Variants in PHACTR1 observed in about 807,000 individuals in gnomAD.
PHACTR1 encodes the protein phosphatase and actin regulator 1, also known as RPEL repeat containing 1.
A neutral mutation model predicts 69.2 loss-of-function variants in PHACTR1; 16 were observed. That is an observed-to-expected ratio of 0.23 (90% confidence interval 0.16 to 0.35). The LOEUF is 0.35. Ranked by LOEUF, PHACTR1 falls within the 10% of genes least tolerant of loss-of-function variation. The pLI is 1.00. For missense variants in PHACTR1, 510 were observed against 734.7 expected (o/e 0.69, Z 3.54); for synonymous variants, 312 against 284.5 (o/e 1.10, Z -0.97).
intron 4 of PHACTR1, among the ~76,000 whole-genome samples, chr6:12,784,078 G>A (rs1312185503): frequency 1.3e-5 from 2 of 151,078 alleles, no homozygotes; most frequent in Non-Finnish European, 3.0e-5. Flanking sequence ...TATATGCATG[G>A]ACATACACAT....
chr6:12,993,190 A>G (rs1270427303), intron 4 of PHACTR1, among the ~76,000 whole-genome samples: 8 of 152,148 alleles, frequency 5.3e-5, no homozygotes, highest in Non-Finnish European at 4.4e-5. Flanking sequence ...TTTTTACTAA[A>G]AGGAAACCTT....
chr6:13,019,069 TATA>T (rs1420282682), intron 4 of PHACTR1, among the ~76,000 whole-genome samples: 14 of 127,554 alleles, frequency 1.1e-4, no homozygotes, highest in East Asian at 3.0e-4. Flanking sequence ...TATATATATA[TATA>T]TATTTTTTCT....
intron 5 of PHACTR1, among the ~76,000 whole-genome samples, chr6:13,136,862 G>A (rs1343296902): frequency 6.6e-6 from 1 of 152,096 alleles, no homozygotes; most frequent in African/African-American, 2.4e-5. Context: ...GTCTTATATG[G>A]GTGTGATTTG....
At chr6:12,826,672 A>G (rs1296224646) in intron 4 of PHACTR1, among the ~76,000 whole-genome samples, 2 of 152,342 alleles carry the variant, frequency 1.3e-5, no homozygotes, top group Admixed American at 1.3e-4. Context: ...GTAATAATAA[A>G]AATCCCTTGC....
intron 4 of PHACTR1, among the ~76,000 whole-genome samples, chr6:12,965,037 T>C (rs184616282): frequency 6.0e-4 from 91 of 152,348 alleles, no homozygotes; most frequent in Admixed American, 2.2e-3. Context: ...ATATAATCTA[T>C]GTACATCCTC....
chr6:12,902,960 A>AC (rs769406251), intron 4 of PHACTR1, among the ~76,000 whole-genome samples: 11 of 152,200 alleles, frequency 7.2e-5, no homozygotes, highest in Non-Finnish European at 1.6e-4. Flanking sequence ...GCCCCTTGTG[A>AC]CTGCCTTCCT....
At chr6:12,894,689 C>T (rs1020481257) in intron 4 of PHACTR1, among the ~76,000 whole-genome samples, 2 of 152,174 alleles carry the variant, frequency 1.3e-5, no homozygotes, top group Non-Finnish European at 2.9e-5. Context: ...TAGACAGGTC[C>T]TGCTACATGT....
intron 5 of PHACTR1, among the ~76,000 whole-genome samples, chr6:13,083,172 G>T (rs1811689267): frequency 6.6e-6 from 1 of 152,154 alleles, no homozygotes; most frequent in South Asian, 2.1e-4. Flanking sequence ...TGACTAGCCA[G>T]TTTTCCCAGC....
At chr6:12,954,348 G>A (rs901629041) in intron 4 of PHACTR1, among the ~76,000 whole-genome samples, 41 of 151,760 alleles carry the variant, frequency 2.7e-4, no homozygotes, top group African/African-American at 9.2e-4. Context: ...GAAGCTATAT[G>A]ATTAAATGTC....
At chr6:13,069,905 G>T (rs1290905592) in intron 5 of PHACTR1, among the ~76,000 whole-genome samples, 1 of 152,178 alleles carries the variant, frequency 6.6e-6, no homozygotes, top group Non-Finnish European at 1.5e-5. Flanking sequence ...AGTTAGAAAT[G>T]ACCAAGTTGG....
At chr6:13,220,801 A>G (rs1317004485) in intron 8 of PHACTR1, among the ~76,000 whole-genome samples, 2 of 152,208 alleles carry the variant, frequency 1.3e-5, no homozygotes, top group Non-Finnish European at 2.9e-5. Flanking sequence ...TGAAAATGTA[A>G]TGTGGTGTAT....
At position 12,748,089 on chromosome 6, in the gene PHACTR1, G is replaced by A. The variant is rs187825090; in HGVS notation, c.104-1555G>A. 2.0e-3 allele frequency among the ~76,000 whole-genome samples: 311 copies of A among 152,296 alleles called. 8 individuals carry two copies. The highest frequency in any genetic ancestry group is 2.4e-4 in the Non-Finnish European group (16 of 68,024). On this transcript the variant is annotated intron_variant, in intron 3 of 14. Coordinates refer to ENST00000332995, the MANE Select transcript of PHACTR1 (RefSeq NM_030948.6). ...TTTTAAAATAACAGAAACCAATGAC[G>A]GGGATGAAAGGACGAGATTGGAGTG...
chr6:13,003,333 TTC>T (rs1223235480), intron 4 of PHACTR1, among the ~76,000 whole-genome samples: 1 of 152,208 alleles, frequency 6.6e-6, no homozygotes, highest in African/African-American at 2.4e-5. Flanking sequence ...AATTTAATAA[TTC>T]TGTTTTTTCA....
chr6:12,870,027 C>T (rs1008294824), intron 4 of PHACTR1, among the ~76,000 whole-genome samples: 2 of 152,048 alleles, frequency 1.3e-5, no homozygotes, highest in Admixed American at 6.5e-5. Context: ...TGGCTAAGTG[C>T]CTGTAACAAG....
chr6:12,789,548 C>A (rs1480109623), intron 4 of PHACTR1, among the ~76,000 whole-genome samples: 1 of 152,106 alleles, frequency 6.6e-6, no homozygotes, highest in African/African-American at 2.4e-5. Context: ...TAACACTCTT[C>A]CAGACTCTAT....
At chr6:12,809,603 C>T (rs1280413182) in intron 4 of PHACTR1, among the ~76,000 whole-genome samples, 1 of 152,222 alleles carries the variant, frequency 6.6e-6, no homozygotes, top group African/African-American at 2.4e-5. Flanking sequence ...TTTCCTCTAA[C>T]AAGCATTTCA....
chr6:12,995,321 A>G (rs1797298861), intron 4 of PHACTR1, among the ~76,000 whole-genome samples: 1 of 152,004 alleles, frequency 6.6e-6, no homozygotes, highest in South Asian at 2.1e-4. Context: ...CCCATCAGTC[A>G]GAGATCAAGA....
At chr6:13,187,832 T>C (rs1150605) in intron 7 of PHACTR1, among the ~76,000 whole-genome samples, 60,691 of 152,138 alleles carry the variant, frequency 0.4, 13,070 homozygotes, top group East Asian at 0.78. Context: ...AGCATCTGAC[T>C]GATATCAGTG....
intron 5 of PHACTR1, among the ~76,000 whole-genome samples, chr6:13,101,904 G>A (rs939149923): frequency 2.6e-5 from 4 of 152,160 alleles, no homozygotes; most frequent in African/African-American, 9.7e-5. Context: ...AGGGAGCCTC[G>A]TGGGTAAAGC....
Sources: allele counts gnomAD v4.1 joint callset (sites outside exome capture counted in the v4.1 genomes callset), GRCh38; gene constraint gnomAD v4.1.1; transcripts MANE v1.5; gene names NCBI Gene and HGNC (gene_info 2026-07-23, HGNC 2026-07-21).